Variants in ANO3 observed in about 807,000 individuals in gnomAD.
The protein encoded by ANO3 is anoctamin-3.
ANO3 carries 99 observed loss-of-function variants against 144.8 expected under a neutral mutation model. The observed-to-expected ratio is 0.68, with a 90% CI of 0.58 to 0.81. The LOEUF is 0.81. ANO3 is among the 30% of genes least tolerant of loss of function. The pLI is 0.00. For synonymous variants in ANO3, 414 were observed against 392.6 expected (o/e 1.05, Z -0.64); for missense variants, 905 against 1,202.2 (o/e 0.75, Z 3.66).
At chr11:26,389,797 A>G (rs565520152) in intron 1 of ANO3, among the ~76,000 whole-genome samples, 1 of 152,240 alleles carries the variant, frequency 6.6e-6, no homozygotes, top group East Asian at 1.9e-4. Flanking sequence ...AAAGATTCTA[A>G]GGAATATTGA....
At chr11:26,397,273 C>T (rs35218098) in intron 1 of ANO3, among the ~76,000 whole-genome samples, 18,777 of 151,922 alleles carry the variant, frequency 0.12, 1,315 homozygotes, top group Admixed American at 0.19. Context: ...TTTATATGTA[C>T]ATGTATTTTT....
intron 5 of ANO3, 138 bp from the exon 6 acceptor site, chr11:26,516,689 A>T (rs528230802): frequency 4.1e-6 from 2 of 485,118 alleles, no homozygotes; most frequent in Non-Finnish European, 7.4e-6. Context: ...TTTTTTATCC[A>T]TATAAATTTC....
intron 3 of ANO3, among the ~76,000 whole-genome samples, chr11:26,453,181 A>G (rs965957400): frequency 6.6e-6 from 1 of 152,242 alleles, no homozygotes; most frequent in African/African-American, 2.4e-5. Context: ...CTAATGAGCA[A>G]AATAACCAGC....
intron 1 of ANO3, among the ~76,000 whole-genome samples, chr11:26,353,976 A>G (rs1450636688): frequency 6.6e-6 from 1 of 152,194 alleles, no homozygotes; most frequent in Non-Finnish European, 1.5e-5. Context: ...CACACAGTTG[A>G]TATTTAATTT....
At chr11:26,397,926 A>G (rs1464420386) in intron 1 of ANO3, among the ~76,000 whole-genome samples, 1 of 151,186 alleles carries the variant, frequency 6.6e-6, no homozygotes, top group East Asian at 2.0e-4. Flanking sequence ...CCTGTCTTTT[A>G]TGTTATTCAT....
intron 17 of ANO3, among the ~76,000 whole-genome samples, chr11:26,612,347 A>T (rs568979422): frequency 3.9e-5 from 6 of 151,948 alleles, no homozygotes; most frequent in African/African-American, 1.2e-4. Context: ...AAGATTTATT[A>T]TTTTAACGTA....
chr11:26,302,056 C>T (rs1042501939), intron 1 of ANO3, among the ~76,000 whole-genome samples: 2 of 152,236 alleles, frequency 1.3e-5, no homozygotes, highest in African/African-American at 4.8e-5. Context: ...GTGAAGGTAA[C>T]TGCCAAGATT....
chr11:26,513,255 G>T (rs1861734882), intron 5 of ANO3, among the ~76,000 whole-genome samples: 1 of 152,068 alleles, frequency 6.6e-6, no homozygotes, highest in African/African-American at 2.4e-5. Context: ...ATGAAATGAG[G>T]TTCTAAGAAA....
intron 1 of ANO3, among the ~76,000 whole-genome samples, chr11:26,196,186 G>A (rs554822261): frequency 3.3e-5 from 5 of 152,220 alleles, no homozygotes; most frequent in African/African-American, 7.2e-5. Context: ...AAATGCTCTC[G>A]AGAGTGAATT....
intron 1 of ANO3, among the ~76,000 whole-genome samples, chr11:26,438,610 A>AAAAAAAAG (rs1858386789): frequency 4.2e-4 from 31 of 73,836 alleles, no homozygotes; most frequent in African/African-American, 5.3e-4. Flanking sequence ...AAAAAAAAAG[A>AAAAAAAAG]AAAAAAAAAA....
rs61877702 is a variant in ANO3 at position 26,220,834 on chromosome 11, G to C, written c.154+31504G>C. On this transcript the variant is annotated intron_variant, in intron 1 of 27. Coordinates refer to the ANO3 transcript ENST00000672621. ...CAGGGATGGTATCTAGGGCACCCCA[G>C]GTATACCCGTTGGGCAGGACCCTGA... Among the ~76,000 whole-genome samples, 1,398 of 152,194 alleles carry C rather than the reference G, an allele frequency of 9.2e-3. 15 individuals carry two copies. Among genetic ancestry groups the C allele is most frequent in the Non-Finnish European group, 0.014 (940 of 67,996 alleles).
intron 7 of ANO3, among the ~76,000 whole-genome samples, chr11:26,527,205 G>A (rs563308053): frequency 2.9e-4 from 44 of 152,156 alleles, no homozygotes; most frequent in African/African-American, 1.1e-3. Flanking sequence ...TTTTAATAAT[G>A]TAAAAAATGT....
At chr11:26,233,063 A>T (rs1852436614) in intron 1 of ANO3, among the ~76,000 whole-genome samples, 1 of 151,984 alleles carries the variant, frequency 6.6e-6, no homozygotes, top group South Asian at 2.1e-4. Flanking sequence ...AAAAATACAA[A>T]AAAATTAGCC....
chr11:26,654,576 CTTT>C (rs1396734144), intron 24 of ANO3, among the ~76,000 whole-genome samples: 1 of 151,836 alleles, frequency 6.6e-6, no homozygotes, highest in Non-Finnish European at 1.5e-5. Flanking sequence ...TATATTGTTT[CTTT>C]ATGTTAATTC....
At chr11:26,343,728 T>C (rs1855425067) in intron 1 of ANO3, among the ~76,000 whole-genome samples, 1 of 152,228 alleles carries the variant, frequency 6.6e-6, no homozygotes, top group South Asian at 2.1e-4. Flanking sequence ...GTTGTTTCTG[T>C]ATAATTTCTG....
intron 1 of ANO3, among the ~76,000 whole-genome samples, chr11:26,362,091 T>C (rs1855942968): frequency 1.3e-5 from 2 of 152,182 alleles, no homozygotes; most frequent in African/African-American, 2.4e-5. Flanking sequence ...CTTCTTTCCC[T>C]GATGCCTACG....
chr11:26,584,672 T>G (rs2132869658), intron 14 of ANO3, among the ~76,000 whole-genome samples: 1 of 152,238 alleles, frequency 6.6e-6, no homozygotes, highest in South Asian at 2.1e-4. Context: ...GTGTAATAAG[T>G]GATAAAAAAG....
At chr11:26,648,613 G>C (rs1339296088) in intron 24 of ANO3, among the ~76,000 whole-genome samples, 1 of 152,164 alleles carries the variant, frequency 6.6e-6, no homozygotes, top group East Asian at 1.9e-4. Flanking sequence ...AAATGACCCA[G>C]TTTAGAACCA....
In ANO3 at chr11:26,541,788, A is replaced by G. The variant is rs1403928539; in HGVS notation, c.1033-159A>G. On this transcript the variant is annotated intron_variant, in intron 10 of 26. Transcript: ENST00000256737. ...GACTATTTTTAATGAAAGATATGTA[A>G]AGGCATCCATCACATCATTCCAGCG... is the stretch of plus-strand genomic sequence containing the variant. Among the ~76,000 whole-genome samples the G allele has an allele frequency of 4.6e-5, 7 of 152,158 alleles. No homozygotes were observed. In the East Asian group the frequency reaches 1.2e-3, roughly 25 times the overall value.
Sources: allele counts gnomAD v4.1 joint callset (sites outside exome capture counted in the v4.1 genomes callset), GRCh38; gene constraint gnomAD v4.1.1; transcripts MANE v1.5; gene names NCBI Gene and HGNC (gene_info 2026-07-23, HGNC 2026-07-21).